NLRC5: variants seen among roughly 807,000 people sequenced by gnomAD.
The protein encoded by NLRC5 is protein NLRC5.
In NLRC5, 114 loss-of-function variants were observed where a neutral mutation model predicts 206.9. That is an observed-to-expected ratio of 0.55 (90% CI 0.47 to 0.64). The LOEUF (loss-of-function observed/expected upper bound fraction) is 0.64. NLRC5 is among the 30% of genes least tolerant of loss of function. The pLI is 0.00. For missense variants in NLRC5, 2,008 were observed against 2,305.5 expected (o/e 0.87, Z 2.64); for synonymous variants, 952 against 962.8 (o/e 0.99, Z 0.21).
intron 28 of NLRC5, 110 bp from the exon 29 acceptor site, chr16:57,058,861 TG>T: frequency 1.1e-6 from 1 of 903,076 alleles, no homozygotes; most frequent in Non-Finnish European, 1.8e-6. Flanking sequence ...TGCTTAGACA[TG>T]GAGGCTTCTC....
chr16:57,078,998 C>A, intron 43 of NLRC5, 52 bp from the exon 44 acceptor site: 1 of 1,520,432 alleles, frequency 6.6e-7, no homozygotes, highest in Non-Finnish European at 9.1e-7. Flanking sequence ...GAGGGTGGGG[C>A]TCTGGAAACG....
At position 57,026,827 on chromosome 16, in the gene NLRC5, C is replaced by A. The variant is rs772030610; in HGVS notation, c.1884C>A (p.Ala628=). ...ATGAGACACAGGAGCCTGAGCTGGC[C>A]AGTCTCACCGCACAAAGCCTCCCCT... is the stretch of plus-strand genomic sequence containing the variant. The part of the protein sequence containing the change: ...CVDETQEPEL[A]SLTAQSLPYQ... The change falls in exon 6 of 49, where the codon GCC becomes GCA. Residue 628 remains alanine (A), a synonymous_variant. Coordinates refer to ENST00000688547, the MANE Select transcript of NLRC5 (RefSeq NM_001384950.1). 6.2e-7 allele frequency: 1 copy of A among 1,614,216 alleles called. No individual in the cohort carries two copies. The highest frequency in any genetic ancestry group is 1.1e-5 in the South Asian group (1 of 91,084).
At position 57,026,552 on chromosome 16, in the gene NLRC5, C is replaced by G; in HGVS notation, c.1609C>G (p.Leu537Val). 1 of 1,614,220 alleles carries G rather than the reference C, an allele frequency of 6.2e-7. No homozygotes were observed. The highest frequency in any genetic ancestry group is 1.1e-5 in the South Asian group (1 of 91,086). The stretch of plus-strand genomic sequence containing the variant: ...CAGCCCCAAGGTGAACAAAGACACA[C>G]TTACCCAGTATGTTACCCTCCATTC... ...MASPKVNKDT[L>V]TQYVTLHSRW... The change falls in exon 6 of 49, where the codon CTT becomes GTT. Residue 537 changes from leucine to valine, a missense_variant. Coordinates refer to ENST00000688547, the MANE Select transcript of NLRC5 (RefSeq NM_001384950.1).
chr16:57,045,185 C>T (rs1028866529), intron 20 of NLRC5: 28 of 441,252 alleles, frequency 6.3e-5, no homozygotes, highest in Admixed American at 2.4e-4. Context: ...CCAGCCTGGG[C>T]GACAGAGCAA....
chr16:57,015,944 A>AAAG (rs1555515713), intron 1 of NLRC5, among the ~76,000 whole-genome samples: 14 of 120,228 alleles, frequency 1.2e-4, no homozygotes, highest in East Asian at 4.9e-4. Context: ...AAAAAAAAAA[A>AAAG]AAAAGAAAGA....
intron 22 of NLRC5, among the ~76,000 whole-genome samples, chr16:57,047,041 T>C (rs2064074455): frequency 6.6e-6 from 1 of 152,176 alleles, no homozygotes; most frequent in South Asian, 2.1e-4. Context: ...GACCCTGACT[T>C]GGCCCCACCT....
At chr16:57,035,498 A>G (rs543146198) in intron 13 of NLRC5, among the ~76,000 whole-genome samples, 154 of 152,068 alleles carry the variant, frequency 1.0e-3, no homozygotes, top group African/African-American at 3.6e-3. Flanking sequence ...ATCCAGACAC[A>G]CTGGCTCTCT....
chr16:57,067,638 G>T, intron 35 of NLRC5, 98 bp from the exon 36 acceptor site: 1 of 1,382,864 alleles, frequency 7.2e-7, no homozygotes, highest in Non-Finnish European at 1.0e-6. Context: ...GAGCTCTTGG[G>T]TGGCCCCTTC....
At chr16:57,031,367 G>T in intron 10 of NLRC5, 37 bp from the exon 11 acceptor site, 2 of 1,612,624 alleles carry the variant, frequency 1.2e-6, no homozygotes, top group Non-Finnish European at 1.7e-6. Flanking sequence ...CTGGTTTCCA[G>T]TCTCTGGGTT....
intron 23 of NLRC5, 80 bp from the exon 24 acceptor site, chr16:57,051,455 TCCA>T: frequency 1.0e-6 from 1 of 993,456 alleles, no homozygotes. Flanking sequence ...AGGTCCCATC[TCCA>T]GAAGGCTCTG....
chr16:57,060,718 C>G (rs2144651841), intron 30 of NLRC5, among the ~76,000 whole-genome samples: 1 of 152,288 alleles, frequency 6.6e-6, no homozygotes, highest in East Asian at 1.9e-4. Flanking sequence ...AGATTCTCTG[C>G]CTCTGCTCAC....
intron 35 of NLRC5, 112 bp from the exon 36 acceptor site, chr16:57,067,623 CA>C: frequency 7.4e-7 from 1 of 1,344,858 alleles, no homozygotes; most frequent in South Asian, 1.2e-5. Flanking sequence ...CAGGGTGGCT[CA>C]GGGGAGCTCT....
rs2399596 is a variant in NLRC5 at position 57,043,611 on chromosome 16, G to T, written c.3203+7G>T. The T allele has an allele frequency of 3.7e-6, 6 of 1,610,868 alleles. No homozygotes were observed. The highest frequency in any genetic ancestry group is 3.3e-5 in the Admixed American group (2 of 59,986). On this transcript the variant is annotated splice_region_variant and intron_variant, in intron 20 of 48. Coordinates refer to ENST00000688547, the MANE Select transcript of NLRC5 (RefSeq NM_001384950.1). ...TCTTCCGCTTGGACATCAGGTGAGC[G>T]TGCCTCTCCGCCCCCAGCCCTGCCC...
chr16:57,049,091 G>A (rs964166320), intron 23 of NLRC5, among the ~76,000 whole-genome samples: 14 of 151,692 alleles, frequency 9.2e-5, no homozygotes, highest in Admixed American at 5.2e-4. Flanking sequence ...ACTAACACTA[G>A]CGATAGCTGA....
chr16:57,045,209 A>G (rs181325517), intron 20 of NLRC5: 148 of 519,032 alleles, frequency 2.9e-4, no homozygotes, highest in African/African-American at 2.6e-3. Flanking sequence ...CCTTTCTTCG[A>G]AACAACAACA....
chr16:56,994,338 T>A (rs1196632663), intron 1 of NLRC5, among the ~76,000 whole-genome samples: 1 of 152,140 alleles, frequency 6.6e-6, no homozygotes, highest in Non-Finnish European at 1.5e-5. Context: ...CTGCTCCGTG[T>A]GAGGCAGGTA....
intron 27 of NLRC5, among the ~76,000 whole-genome samples, chr16:57,057,088 G>C (rs1369663708): frequency 6.6e-6 from 1 of 152,214 alleles, no homozygotes; most frequent in Non-Finnish European, 1.5e-5. Flanking sequence ...AGGAAAATCA[G>C]ATGTTCCGGG....
At chr16:56,993,586 G>T (rs1258523576) in intron 1 of NLRC5, among the ~76,000 whole-genome samples, 2 of 152,174 alleles carry the variant, frequency 1.3e-5, no homozygotes, top group Non-Finnish European at 2.9e-5. Context: ...GCTCCCACCA[G>T]CTGGAGGGGG....
chr16:56,999,669 A>C (rs1427972378), intron 1 of NLRC5, among the ~76,000 whole-genome samples: 1 of 152,248 alleles, frequency 6.6e-6, no homozygotes, highest in Non-Finnish European at 1.5e-5. Flanking sequence ...AGTCTGAGGA[A>C]GGTGCTCTGC....
Sources: allele counts gnomAD v4.1 joint callset (sites outside exome capture counted in the v4.1 genomes callset), GRCh38; gene constraint gnomAD v4.1.1; transcripts MANE v1.5; gene names NCBI Gene and HGNC (gene_info 2026-07-23, HGNC 2026-07-21).